The following KNTC1 variants were observed in gnomAD, a reference collection of about 807,000 sequenced individuals.
KNTC1 encodes the protein kinetochore associated 1.
KNTC1 carries 253 observed loss-of-function variants against 314.4 expected under a neutral mutation model. That is an observed-to-expected ratio of 0.80 (90% CI 0.73 to 0.89). KNTC1 has a LOEUF of 0.89. KNTC1 is among the 40% of genes least tolerant of loss of function. The pLI, the probability that KNTC1 is intolerant of heterozygous loss-of-function variation, is 0.00. For synonymous variants in KNTC1, 901 were observed against 901.4 expected (o/e 1.00, Z 0.01); for missense variants, 2,475 against 2,572.9 (o/e 0.96, Z 0.82).
chr12:122,602,133 A>G lies in KNTC1; in HGVS notation c.4654-436A>G, dbSNP rs1468960628. Among the ~76,000 whole-genome samples, 5 of 151,770 alleles carry G rather than the reference A, an allele frequency of 3.3e-5. No individual in the cohort carries two copies. In the East Asian group the frequency reaches 7.7e-4, roughly 23 times the overall value. On this transcript the variant is annotated intron_variant, in intron 45 of 63. Transcript: ENST00000333479. ...TTAGAAATATTTTAATATTATGTTA[A>G]TAAGACTTATTATATAAGAAAATAT...
At chr12:122,599,883 T>C (rs1346797344) in intron 44 of KNTC1, among the ~76,000 whole-genome samples, 1 of 152,024 alleles carries the variant, frequency 6.6e-6, no homozygotes, top group Non-Finnish European at 1.5e-5. Context: ...TTAGGCCTAG[T>C]AGTACGTGCC....
Position 122,604,649 on chromosome 12 carries a change from C to A in KNTC1, c.5175+12C>A. On this transcript the variant is annotated intron_variant, in intron 49 of 63. Transcript: ENST00000333479. ...ATATCCCATCGCAGGTGTGTCTGAA[C>A]TATCAGATTGGCGGCTTCTCTTCTT... is the stretch of plus-strand genomic sequence containing the variant. 6.4e-7 allele frequency: 1 copy of A among 1,557,070 alleles called. No homozygotes were observed. The highest frequency in any genetic ancestry group is 8.8e-7 in the Non-Finnish European group (1 of 1,130,350).
chr12:122,568,240 T>A (rs1964469827), intron 20 of KNTC1, 21 bp from the exon 21 acceptor site: 1 of 1,192,692 alleles, frequency 8.4e-7, no homozygotes, highest in Admixed American at 2.1e-5. Context: ...ACTGACTTTT[T>A]TCCCTTCTTT....
At chr12:122,612,746 C>T in intron 53 of KNTC1, 1 of 179,040 alleles carries the variant, frequency 5.6e-6, no homozygotes, top group South Asian at 1.4e-4. Flanking sequence ...ACTGCCAGGG[C>T]ATGCCTGTAA....
At chr12:122,551,799 A>T (rs1167584689) in intron 16 of KNTC1, 103 bp downstream of exon 16, 1 of 847,524 alleles carries the variant, frequency 1.2e-6, no homozygotes, top group African/African-American at 1.7e-5. Context: ...TAGTGTGATT[A>T]AGGCTGTAAT....
chr12:122,582,547 C>T (rs1215588611), intron 33 of KNTC1, among the ~76,000 whole-genome samples, 158 bp from the exon 34 acceptor site: 1 of 151,874 alleles, frequency 6.6e-6, no homozygotes, highest in Admixed American at 6.6e-5. Flanking sequence ...TACCTCAAGC[C>T]TCAGCATCAC....
At chr12:122,538,125 G>C (rs901990914) in intron 3 of KNTC1, among the ~76,000 whole-genome samples, 2 of 152,158 alleles carry the variant, frequency 1.3e-5, no homozygotes, top group African/African-American at 2.4e-5. Flanking sequence ...GTAGCAGAGC[G>C]AGACGCTGTC....
rs1285367767 is a variant in KNTC1 at position 122,591,337 on chromosome 12, G to A, written c.4129G>A (p.Ala1377Thr). 4 of 1,532,180 alleles carry A rather than the reference G, an allele frequency of 2.6e-6. No individual in the cohort carries two copies. Among genetic ancestry groups the A allele is most frequent in the Admixed American group, 1.7e-5 (1 of 59,796 alleles). 94.9% of individuals were successfully genotyped at this position (1,532,180 alleles called of 1,614,324 possible). Residue 1377 changes from alanine to threonine, a missense_variant and splice_region_variant, in exon 42 of 64, where the codon GCA (alanine) becomes ACA (threonine). Coordinates refer to ENST00000333479, the MANE Select transcript of KNTC1 (RefSeq NM_014708.6). ...CTTTAATTCTCTTTTAATTTTTTAG[G>A]CAATATCTCTGGTGGGCTCTGAGCT... The part of the protein sequence containing the change: ...KAWQNYDKIL[A>T]ISLVGSELAS...
chr12:122,563,633 G>A (rs1254647247), intron 20 of KNTC1: 4 of 519,812 alleles, frequency 7.7e-6, no homozygotes, highest in African/African-American at 2.0e-5. Context: ...CCCTAGCAGC[G>A]AGAAGGGCAG....
At chr12:122,576,655 T>C (rs1301879171) in intron 29 of KNTC1, among the ~76,000 whole-genome samples, 2 of 152,052 alleles carry the variant, frequency 1.3e-5, no homozygotes, top group African/African-American at 2.4e-5. Context: ...CACTGTAGCC[T>C]GGCGACAGAG....
intron 3 of KNTC1, among the ~76,000 whole-genome samples, chr12:122,538,138 A>G (rs1447580777): frequency 6.6e-6 from 1 of 152,238 alleles, no homozygotes; most frequent in African/African-American, 2.4e-5. Flanking sequence ...ACGCTGTCTC[A>G]AAAACAAAAC....
At chr12:122,584,870 G>C (rs753869732) in intron 35 of KNTC1, 23 bp from the exon 36 acceptor site, 1 of 1,181,714 alleles carries the variant, frequency 8.5e-7, no homozygotes, top group Non-Finnish European at 1.3e-6. Flanking sequence ...TGAGTTTAAT[G>C]ATTTTTCTCC....
chr12:122,613,587 C>A, intron 54 of KNTC1, 39 bp from the exon 55 acceptor site: 1 of 1,546,742 alleles, frequency 6.5e-7, no homozygotes, highest in Admixed American at 2.1e-5. Flanking sequence ...GTAAATGTGG[C>A]CTATGAGAAT....
intron 2 of KNTC1, among the ~76,000 whole-genome samples, chr12:122,533,079 T>C (rs1961503662): frequency 6.6e-6 from 1 of 151,926 alleles, no homozygotes; most frequent in Non-Finnish European, 1.5e-5. Flanking sequence ...CTACACTTGC[T>C]TTGGGCCTTA....
intron 16 of KNTC1, among the ~76,000 whole-genome samples, chr12:122,554,763 G>C (rs550836924): frequency 2.6e-5 from 4 of 152,312 alleles, no homozygotes; most frequent in Non-Finnish European, 5.9e-5. Flanking sequence ...TTCAGAACCA[G>C]AGAGTCCCTG....
chr12:122,547,944 C>T lies in KNTC1; in HGVS notation c.962C>T (p.Ala321Val). Residue 321 changes from alanine to valine, a missense_variant, in exon 12 of 64, where the codon GCT (alanine) becomes GTT (valine). Transcript: ENST00000333479. ...GGAATTACAAATCTCAAATTAATAGCTCTGACAGCTTCAGCTAATAAGAAG... is the reference window on the plus strand; with the variant it reads ...GGAATTACAAATCTCAAATTAATAGTTCTGACAGCTTCAGCTAATAAGAAG... The part of the protein sequence containing the change: ...WQGITNLKLI[A>V]LTASANKKMK... 1.9e-6 allele frequency: 3 copies of T among 1,551,664 alleles called. No individual in the cohort carries two copies. The highest frequency in any genetic ancestry group is 1.7e-6 in the Non-Finnish European group (2 of 1,153,402).
chr12:122,549,416 C>A (rs1963032117), intron 12 of KNTC1, among the ~76,000 whole-genome samples: 2 of 152,028 alleles, frequency 1.3e-5, no homozygotes, highest in South Asian at 4.1e-4. Flanking sequence ...GTGGCACAAT[C>A]TCGGCTCACT....
At chr12:122,560,873 A>G (rs973843039) in intron 18 of KNTC1, among the ~76,000 whole-genome samples, 2 of 152,250 alleles carry the variant, frequency 1.3e-5, no homozygotes, top group Non-Finnish European at 2.9e-5. Context: ...GGTTCAAGCA[A>G]TCCTCCTGCC....
intron 33 of KNTC1, among the ~76,000 whole-genome samples, chr12:122,581,505 C>CT (rs2137982224): frequency 7.7e-6 from 1 of 130,526 alleles, no homozygotes; most frequent in East Asian, 2.4e-4. Context: ...GGCCTTTTTT[C>CT]TTTTTTTGAG....
Sources: gnomAD v4.1 joint callset for allele counts (sites outside exome capture counted in the v4.1 genomes callset) on GRCh38, gnomAD v4.1.1 for gene constraint, MANE v1.5 for transcripts, NCBI Gene and HGNC (gene_info 2026-07-23, HGNC 2026-07-21) for gene names.